PTPRZ1: variants seen among roughly 807,000 people sequenced by gnomAD.
PTPRZ1 encodes protein tyrosine phosphatase receptor type Z1.
Under a neutral mutation model 214.1 loss-of-function variants are expected in PTPRZ1, and 82 were observed. That is an observed-to-expected ratio of 0.38 (90% CI 0.32 to 0.46). The LOEUF (loss-of-function observed/expected upper bound fraction) is 0.46. Ranked by LOEUF, PTPRZ1 falls within the 20% of genes least tolerant of loss-of-function variation. PTPRZ1 has a pLI of 1.00. For missense variants in PTPRZ1, 2,603 were observed against 2,748.7 expected, an observed-to-expected ratio of 0.95 and a Z score of 1.19; for synonymous variants, 945 against 987.9, an observed-to-expected ratio of 0.96 and a Z score of 0.81.
chr7:121,889,733 G>A (rs1400916713), intron 1 of PTPRZ1, among the ~76,000 whole-genome samples: 1 of 151,970 alleles, frequency 6.6e-6, no homozygotes, highest in Non-Finnish European at 1.5e-5. Flanking sequence ...AGTTTAAAAA[G>A]GGTTCTGCTC....
chr7:121,955,794 G>C (rs1415275135), intron 2 of PTPRZ1, among the ~76,000 whole-genome samples: 1 of 152,088 alleles, frequency 6.6e-6, no homozygotes, highest in Non-Finnish European at 1.5e-5. Flanking sequence ...CTTGTCAGTG[G>C]GGTGATAGAG....
In PTPRZ1 at chr7:121,976,227, A is replaced by G; in HGVS notation, c.511A>G (p.Lys171Glu). 1 of 1,609,284 alleles carries G rather than the reference A, an allele frequency of 6.2e-7. No homozygotes were observed. Among genetic ancestry groups the G allele is most frequent in the East Asian group, 2.2e-5 (1 of 44,752 alleles). ...ATTTTCAAGTTTTGAGGAAGCAGTC[A>G]AAGGAAAAGGGAAGTTAAGAGCTTT... The part of the protein sequence containing the change: ...DRFSSFEEAV[K>E]GKGKLRALSI... The change falls in exon 5 of 30, where the codon AAA (lysine) becomes GAA (glutamate). Residue 171 changes from lysine (K) to glutamate (E), a missense_variant. This residue lies in a region of PTPRZ1 where 244 missense variants were observed against 333.2 expected (regional missense o/e 0.73). Coordinates refer to ENST00000393386, the MANE Select transcript of PTPRZ1 (RefSeq NM_002851.3).
Position 122,034,285 on chromosome 7 carries a change from G to A in PTPRZ1, c.5191G>A (p.Val1731Met). The change falls in exon 17 of 30, where the codon GTG becomes ATG. Residue 1731 changes from valine to methionine, a missense_variant. This residue lies in a region of PTPRZ1 where 1,913 missense variants were observed against 1,914.3 expected (regional missense o/e 1.00). Coordinates refer to ENST00000393386, the MANE Select transcript of PTPRZ1 (RefSeq NM_002851.3). Reference sequence around the variant, plus strand: ...ATTTACATATAATTTTTTACAGGAAGTGCAGAGCTGTACTGTTGACTTAGG... The same window carrying A: ...ATTTACATATAATTTTTTACAGGAAATGCAGAGCTGTACTGTTGACTTAGG... ...FETLKEFYQE[V>M]QSCTVDLGIT... The A allele has an allele frequency of 1.2e-6, 2 of 1,612,622 alleles. No individual in the cohort carries two copies. Among genetic ancestry groups the A allele is most frequent in the East Asian group, 2.2e-5 (1 of 44,836 alleles).
chr7:122,047,344 G>C (rs937606939), intron 23 of PTPRZ1, among the ~76,000 whole-genome samples: 1 of 152,024 alleles, frequency 6.6e-6, no homozygotes, highest in African/African-American at 2.4e-5. Context: ...AGATTTGGGG[G>C]TTGTTTATTT....
chr7:121,960,712 A>AT (rs145022161), intron 2 of PTPRZ1, among the ~76,000 whole-genome samples: 2,850 of 152,166 alleles, frequency 0.019, 83 homozygotes, highest in African/African-American at 0.066. Flanking sequence ...TAATTTAATC[A>AT]TTTTTTCCTT....
intron 1 of PTPRZ1, among the ~76,000 whole-genome samples, chr7:121,916,505 A>G (rs111750722): frequency 6.6e-6 from 1 of 152,228 alleles, no homozygotes; most frequent in Admixed American, 6.5e-5. Flanking sequence ...TGAGTTAACT[A>G]TTCCAAAATA....
chr7:122,018,694 A>C (rs1203489563), intron 12 of PTPRZ1, among the ~76,000 whole-genome samples: 2 of 152,184 alleles, frequency 1.3e-5, no homozygotes, highest in African/African-American at 2.4e-5. Context: ...TATTTACCTA[A>C]TGCAGGGTTA....
intron 2 of PTPRZ1, among the ~76,000 whole-genome samples, chr7:121,963,765 A>G (rs1796952011): frequency 6.6e-6 from 1 of 152,096 alleles, no homozygotes; most frequent in South Asian, 2.1e-4. Context: ...TATTGTGCTG[A>G]CTGTATGATC....
chr7:121,937,143 ATTC>A (rs1337021845), intron 2 of PTPRZ1, among the ~76,000 whole-genome samples: 1 of 152,214 alleles, frequency 6.6e-6, no homozygotes, highest in Non-Finnish European at 1.5e-5. Context: ...GCACGTATTC[ATTC>A]TTCAATTGCA....
chr7:121,912,576 G>T (rs1206489), intron 1 of PTPRZ1, among the ~76,000 whole-genome samples: 1 of 152,106 alleles, frequency 6.6e-6, no homozygotes, highest in Non-Finnish European at 1.5e-5. Context: ...GTAAAGAAGC[G>T]GGTGAGACTA....
chr7:121,924,210 A>G (rs1213963522), intron 1 of PTPRZ1, among the ~76,000 whole-genome samples: 1 of 152,064 alleles, frequency 6.6e-6, no homozygotes, highest in Admixed American at 6.5e-5. Flanking sequence ...ACAGAAACAG[A>G]AAAAAAATTC....
chr7:122,011,413 T>C lies in PTPRZ1; in HGVS notation c.2367T>C (p.Ser789=), dbSNP rs2116657340. Residue 789 remains serine (S), a synonymous_variant, in exon 12 of 30, where the codon AGT becomes AGC. Coordinates refer to ENST00000393386, the MANE Select transcript of PTPRZ1 (RefSeq NM_002851.3). ...QILNTTPAAS[S]SDSALHATPV... The stretch of plus-strand genomic sequence containing the variant: ...TCAACACTACCCCTGCTGCTTCAAG[T>C]AGTGATTCGGCCTTGCATGCTACGC... 2.5e-6 allele frequency: 4 copies of C among 1,614,164 alleles called. No individual in the cohort carries two copies. The highest frequency in any genetic ancestry group is 3.4e-6 in the Non-Finnish European group (4 of 1,179,998).
In PTPRZ1 at chr7:122,053,907, T is replaced by A. The variant is rs767188718; in HGVS notation, c.6253-3T>A. ...TGTTTTTGTCTTCTCTTTGGTTTTG[T>A]AGGGCTATTACCAGAGCAATGAATT... On this transcript the variant is annotated splice_polypyrimidine_tract_variant and splice_region_variant and intron_variant, in intron 25 of 29. Coordinates refer to ENST00000393386, the MANE Select transcript of PTPRZ1 (RefSeq NM_002851.3). 6.2e-7 allele frequency: 1 copy of A among 1,612,316 alleles called. No homozygotes were observed. The highest frequency in any genetic ancestry group is 1.3e-5 in the African/African-American group (1 of 74,848).
chr7:121,942,930 G>GT (rs1417583316), intron 2 of PTPRZ1, among the ~76,000 whole-genome samples: 4 of 152,190 alleles, frequency 2.6e-5, no homozygotes, highest in Admixed American at 6.5e-5. Flanking sequence ...ATATATGCAA[G>GT]TTTTTTAACC....
chr7:121,947,702 C>A (rs767554514), intron 2 of PTPRZ1, among the ~76,000 whole-genome samples: 24 of 152,118 alleles, frequency 1.6e-4, no homozygotes, highest in Non-Finnish European at 3.1e-4. Flanking sequence ...CAGGATGTTG[C>A]ACTGAGGATT....
At position 122,051,529 on chromosome 7, in the gene PTPRZ1, G is replaced by A. The variant is rs777538059; in HGVS notation, c.6178+8G>A. 3.7e-6 allele frequency: 6 copies of A among 1,602,318 alleles called. No individual in the cohort carries two copies. The highest frequency in any genetic ancestry group is 5.1e-6 in the Non-Finnish European group (6 of 1,175,806). ...CTTCTTCTATCATCCCTGGTAAGTT[G>A]TGTTGATCCTTGAAAAAACAACTTT... On this transcript the variant is annotated splice_region_variant and intron_variant, in intron 24 of 29. Transcript: ENST00000393386.
intron 1 of PTPRZ1, among the ~76,000 whole-genome samples, chr7:121,878,905 GT>G (rs1315857687): frequency 6.7e-6 from 1 of 149,188 alleles, no homozygotes; most frequent in South Asian, 2.1e-4. Context: ...AAAAATAGTT[GT>G]TTGTTGTTGA....
chr7:122,026,947 C>T (rs1799221898), intron 13 of PTPRZ1, among the ~76,000 whole-genome samples: 1 of 152,188 alleles, frequency 6.6e-6, no homozygotes, highest in Non-Finnish European at 1.5e-5. Context: ...AAGACTAACA[C>T]TGCAATGATT....
At chr7:122,040,013 T>C (rs1351318942) in intron 20 of PTPRZ1, among the ~76,000 whole-genome samples, 1 of 151,982 alleles carries the variant, frequency 6.6e-6, no homozygotes, top group Non-Finnish European at 1.5e-5. Flanking sequence ...AAAAGAATTC[T>C]TATCACAGCT....
Sources: gnomAD v4.1 joint callset for allele counts (sites outside exome capture counted in the v4.1 genomes callset) on GRCh38, gnomAD v4.1.1 for gene constraint, gnomAD v4.1.1 regional missense constraint, MANE v1.5 for transcripts, NCBI Gene and HGNC (gene_info 2026-07-23, HGNC 2026-07-21) for gene names.